Variants in DOCK7 observed in about 807,000 individuals in gnomAD.
DOCK7 encodes the protein dedicator of cytokinesis 7, also known as dedicator of cytokinesis protein 7.
Under a neutral mutation model 271.0 loss-of-function variants are expected in DOCK7, and 138 were observed. The ratio of observed to expected loss-of-function variants is 0.51; its 90% confidence interval spans 0.44 to 0.59. DOCK7 has a LOEUF of 0.59. Ranked by LOEUF, DOCK7 falls within the 20% of genes least tolerant of loss-of-function variation. The pLI is 0.00. For missense variants in DOCK7, 2,066 were observed against 2,592.4 expected, an observed-to-expected ratio of 0.80 and a Z score of 4.41; for synonymous variants, 823 against 876.1, an observed-to-expected ratio of 0.94 and a Z score of 1.07.
At chr1:62,595,893 C>T (rs1649164036) in intron 14 of DOCK7, among the ~76,000 whole-genome samples, 2 of 152,184 alleles carry the variant, frequency 1.3e-5, no homozygotes, top group East Asian at 3.9e-4. Context: ...CATGCCACTG[C>T]ACTCCAGCCT....
At chr1:62,560,635 C>T (rs1274176610) in intron 19 of DOCK7, among the ~76,000 whole-genome samples, 1 of 152,102 alleles carries the variant, frequency 6.6e-6, no homozygotes, top group African/African-American at 2.4e-5. Context: ...TTCCTACACA[C>T]TTTAAACTAT....
At chr1:62,471,409 C>G (rs1645826996) in intron 48 of DOCK7, among the ~76,000 whole-genome samples, 1 of 152,132 alleles carries the variant, frequency 6.6e-6, no homozygotes, top group African/African-American at 2.4e-5. Context: ...TCCCTGTAAT[C>G]CTAGTACTTT....
intron 2 of DOCK7, among the ~76,000 whole-genome samples, chr1:62,657,617 CA>C (rs1230498773): frequency 6.6e-6 from 1 of 152,002 alleles, no homozygotes; most frequent in Non-Finnish European, 1.5e-5. Flanking sequence ...GATTTCAAGG[CA>C]AACATCAGAA....
At chr1:62,656,512 C>T (rs2149701218) in intron 2 of DOCK7, among the ~76,000 whole-genome samples, 1 of 152,220 alleles carries the variant, frequency 6.6e-6, no homozygotes, top group Middle Eastern at 3.4e-3. Context: ...AAAAAGTGCT[C>T]AAACATCAAA....
rs145915962 is a variant in DOCK7 at position 62,572,068 on chromosome 1, T to C, written c.2112+5194A>G. ...ATGTACTCCAGAACTTAAAAATAAA[T>C]AAAAAATAACAGTTCTCAAAGTCTG... is the stretch of plus-strand genomic sequence containing the variant. On this transcript the variant is annotated intron_variant, in intron 18 of 49. Coordinates refer to ENST00000635253, the MANE Select transcript of DOCK7 (RefSeq NM_001367561.1). Among the ~76,000 whole-genome samples the C allele has an allele frequency of 1.5e-3, 232 of 152,036 alleles. 4 individuals carry two copies. The highest frequency in any genetic ancestry group is 5.2e-3 in the African/African-American group (216 of 41,456).
At chr1:62,488,713 C>A in intron 42 of DOCK7, 8 of 521,612 alleles carry the variant, frequency 1.5e-5, no homozygotes, top group South Asian at 2.1e-5. Context: ...AAAAAAAAAG[C>A]TATGCAGAAA....
intron 2 of DOCK7, 103 bp from the exon 3 acceptor site, chr1:62,654,262 T>A: frequency 9.0e-7 from 1 of 1,106,400 alleles, no homozygotes; most frequent in African/African-American, 1.6e-5. Flanking sequence ...AAGCTTTTAA[T>A]CTAGTTCTTT....
chr1:62,568,729 A>C (rs1646618229), intron 18 of DOCK7, among the ~76,000 whole-genome samples: 1 of 151,672 alleles, frequency 6.6e-6, no homozygotes, highest in Non-Finnish European at 1.5e-5. Context: ...GAAGACAAGA[A>C]ATAACCAAGA....
chr1:62,472,625 T>C (rs1290602559), intron 48 of DOCK7, among the ~76,000 whole-genome samples: 1 of 152,346 alleles, frequency 6.6e-6, no homozygotes, highest in African/African-American at 2.4e-5. Flanking sequence ...GTATGTACTG[T>C]TCCATAATCA....
intron 13 of DOCK7, 120 bp downstream of exon 13, chr1:62,619,780 T>C (rs1208306030): frequency 1.9e-5 from 10 of 534,844 alleles, no homozygotes; most frequent in African/African-American, 1.4e-4. Flanking sequence ...CTGACAGGCA[T>C]TGGGCATAGA....
chr1:62,476,384 A>C (rs1557597901), intron 44 of DOCK7, among the ~76,000 whole-genome samples: 2 of 152,210 alleles, frequency 1.3e-5, no homozygotes, highest in Non-Finnish European at 2.9e-5. Flanking sequence ...ACTTTAAATA[A>C]CACAAAATAT....
chr1:62,549,377 T>C lies in DOCK7; in HGVS notation c.2766+3355A>G, dbSNP rs191617920. Among the ~76,000 whole-genome samples, 162 of 152,188 alleles carry C rather than the reference T, an allele frequency of 1.1e-3. 1 individual carries two copies. Among genetic ancestry groups the C allele is most frequent in the African/African-American group, 3.3e-3 (136 of 41,536 alleles). On this transcript the variant is annotated intron_variant, in intron 22 of 49. Coordinates refer to ENST00000635253, the MANE Select transcript of DOCK7 (RefSeq NM_001367561.1). The stretch of plus-strand genomic sequence containing the variant: ...GAATATTTGACTGAAGTAGAGATGA[T>C]AGAAGTAAAAGAACTGCAGATAGCA...
At position 62,512,275 on chromosome 1, in the gene DOCK7, C is replaced by T. The variant is rs74532324; in HGVS notation, c.4282+1169G>A. On this transcript the variant is annotated intron_variant, in intron 33 of 49. Coordinates refer to ENST00000635253, the MANE Select transcript of DOCK7 (RefSeq NM_001367561.1). Reference sequence around the variant, plus strand: ...GGCATGTATCATCTACACAGATGACCAACCCATGGCCCTGGCCTTAAGAAA... The same window carrying T: ...GGCATGTATCATCTACACAGATGACTAACCCATGGCCCTGGCCTTAAGAAA... 2.5e-4 allele frequency among the ~76,000 whole-genome samples: 38 copies of T among 152,276 alleles called. No homozygotes were observed. In the East Asian group the frequency reaches 7.1e-3, roughly 29 times the overall value.
At chr1:62,510,766 T>C in intron 33 of DOCK7, 93 bp from the exon 34 acceptor site, 1 of 966,640 alleles carries the variant, frequency 1.0e-6, no homozygotes, top group Non-Finnish European at 1.5e-6. Context: ...TATACAACAA[T>C]AATTTGTACA....
At chr1:62,608,833 C>G (rs1651373619) in intron 14 of DOCK7, 2 of 146,008 alleles carry the variant, frequency 1.4e-5, no homozygotes, top group Admixed American at 1.4e-4. Context: ...TTCCTAATAG[C>G]ATAACTCATG....
intron 19 of DOCK7, among the ~76,000 whole-genome samples, chr1:62,560,565 C>A (rs751244040): frequency 6.6e-6 from 1 of 152,142 alleles, no homozygotes; most frequent in Non-Finnish European, 1.5e-5. Context: ...CACCTGGACT[C>A]TATGGCATTC....
At chr1:62,650,723 T>C (rs968199339) in intron 4 of DOCK7, among the ~76,000 whole-genome samples, 8 of 152,142 alleles carry the variant, frequency 5.3e-5, no homozygotes, top group African/African-American at 1.9e-4. Context: ...ATCAGAGAAA[T>C]GCAAATCAAA....
chr1:62,645,443 C>T (rs1261753460), intron 7 of DOCK7, among the ~76,000 whole-genome samples: 2 of 151,636 alleles, frequency 1.3e-5, no homozygotes, highest in African/African-American at 4.8e-5. Context: ...CTACATATTG[C>T]ATGATTCCAT....
In DOCK7 at chr1:62,507,943, C is replaced by T. The variant is rs767726163; in HGVS notation, c.4476+19G>A. On this transcript the variant is annotated intron_variant, in intron 35 of 49. Coordinates refer to ENST00000635253, the MANE Select transcript of DOCK7 (RefSeq NM_001367561.1). The stretch of plus-strand genomic sequence containing the variant: ...TTTACCAAATCCGTATTTTAAATTT[C>T]TCTTCTTTGCATTCTTACCTGAACA... 6.9e-6 allele frequency: 11 copies of T among 1,604,730 alleles called. No individual in the cohort carries two copies. Among genetic ancestry groups the T allele is most frequent in the Non-Finnish European group, 8.5e-6 (10 of 1,174,524 alleles).
Sources: gnomAD v4.1 joint callset for allele counts (sites outside exome capture counted in the v4.1 genomes callset) on GRCh38, gnomAD v4.1.1 for gene constraint, MANE v1.5 for transcripts, NCBI Gene and HGNC (gene_info 2026-07-23, HGNC 2026-07-21) for gene names.